CYRIA: variants seen among roughly 807,000 people sequenced by gnomAD.
CYRIA encodes CYFIP related Rac1 interactor A, also known as CYFIP-related Rac1 interactor A.
Under a neutral mutation model 43.9 loss-of-function variants are expected in CYRIA, and 15 were observed. The observed-to-expected ratio is 0.34, with a 90% CI of 0.23 to 0.53. The LOEUF (loss-of-function observed/expected upper bound fraction) is 0.53, where lower values mean the gene tolerates loss of function less well. CYRIA is among the 20% of genes least tolerant of loss of function. The probability of loss-of-function intolerance (pLI) is 0.94; values close to 1 mark genes in which losing one functional copy is unlikely to be tolerated. For missense variants in CYRIA, 236 were observed against 394.2 expected, an observed-to-expected ratio of 0.60 and a Z score of 3.40; for synonymous variants, 117 against 136.0, an observed-to-expected ratio of 0.86 and a Z score of 0.97.
At chr2:16,611,082 G>A (rs1201545079) in intron 2 of CYRIA, among the ~76,000 whole-genome samples, 1 of 151,734 alleles carries the variant, frequency 6.6e-6, no homozygotes, top group East Asian at 1.9e-4. Context: ...TGACTAGGCC[G>A]GGGGCCGTGG....
chr2:16,633,230 C>A (rs1259190733), intron 1 of CYRIA, among the ~76,000 whole-genome samples: 1 of 152,190 alleles, frequency 6.6e-6, no homozygotes, highest in African/African-American at 2.4e-5. Context: ...AGACTTTCAC[C>A]CCCCACCCTG....
At chr2:16,591,116 T>C (rs2103463969) in intron 2 of CYRIA, among the ~76,000 whole-genome samples, 1 of 152,110 alleles carries the variant, frequency 6.6e-6, no homozygotes, top group African/African-American at 2.4e-5. Flanking sequence ...ATAGTACTCA[T>C]GAAATAGCTT....
In CYRIA at chr2:16,550,017, T is replaced by C. The variant is rs1451212099; in HGVS notation, c.*2919A>G. ...TTTTTTTTGTTATTGTTTTTTTTTT[T>C]CTACTACTAATTCCTAGTGGTGCAC... is the stretch of plus-strand genomic sequence containing the variant. On this transcript the variant is annotated 3_prime_UTR_variant, in exon 12 of 12. Transcript: ENST00000381323. The C allele has an allele frequency of 2.0e-5, 3 of 151,564 alleles. No homozygotes were observed. The highest frequency in any genetic ancestry group is 2.4e-5 in the African/African-American group (1 of 41,320). The allele number at this position is 151,564 out of a possible 1,614,324, so 9.4% of individuals were successfully genotyped here.
At chr2:16,615,785 G>T (rs1042917077) in intron 2 of CYRIA, among the ~76,000 whole-genome samples, 1 of 152,214 alleles carries the variant, frequency 6.6e-6, no homozygotes, top group Non-Finnish European at 1.5e-5. Flanking sequence ...ATTACTGAAC[G>T]TTACTGTAAC....
Position 16,604,338 on chromosome 2 carries a change from C to A in CYRIA, c.-10-16209G>T, listed in dbSNP as rs79495462. ...GGGCAGCCAGGGCGGCCACTGTTGT[C>A]AGTGACATCAAAGGCTTGCAGATGT... On this transcript the variant is annotated intron_variant, in intron 2 of 11. Transcript: ENST00000381323. Among the ~76,000 whole-genome samples, 20 of 152,358 alleles carry A rather than the reference C, an allele frequency of 1.3e-4. No individual in the cohort carries two copies. The East Asian group carries it at 3.9e-3, about 29-fold the overall frequency.
chr2:16,566,535 G>A (rs1459857253), intron 3 of CYRIA, among the ~76,000 whole-genome samples: 1 of 152,202 alleles, frequency 6.6e-6, no homozygotes, highest in Non-Finnish European at 1.5e-5. Context: ...CTCATGTTCA[G>A]GAGGTTTGGC....
intron 3 of CYRIA, among the ~76,000 whole-genome samples, chr2:16,579,473 A>C (rs1365795849): frequency 6.6e-6 from 1 of 151,832 alleles, no homozygotes; most frequent in African/African-American, 2.4e-5. Context: ...TTAAATGATA[A>C]TTGACAATTT....
intron 3 of CYRIA, among the ~76,000 whole-genome samples, chr2:16,571,268 A>C (rs1327851939): frequency 6.6e-6 from 1 of 152,230 alleles, no homozygotes; most frequent in East Asian, 1.9e-4. Flanking sequence ...GGTGAATATT[A>C]ACTGTGAATA....
intron 2 of CYRIA, among the ~76,000 whole-genome samples, chr2:16,610,897 C>CATATATATACATATAT (rs1668569492): frequency 1.1e-5 from 1 of 92,556 alleles, no homozygotes; most frequent in South Asian, 3.6e-4. Flanking sequence ...TTAGTCCCAA[C>CATATATATACATATAT]ATATATATAT....
chr2:16,609,636 GCTTTT>G (rs1401568610), intron 2 of CYRIA, among the ~76,000 whole-genome samples: 1 of 152,104 alleles, frequency 6.6e-6, no homozygotes, highest in Non-Finnish European at 1.5e-5. Flanking sequence ...CAGTAACTCT[GCTTTT>G]CTTTTAAGTA....
chr2:16,579,620 T>C (rs1042661534), intron 3 of CYRIA, among the ~76,000 whole-genome samples: 1 of 152,166 alleles, frequency 6.6e-6, no homozygotes, highest in African/African-American at 2.4e-5. Context: ...ATGTAAAGAA[T>C]AGATTTTGAA....
intron 2 of CYRIA, among the ~76,000 whole-genome samples, chr2:16,611,377 A>G (rs537151854): frequency 7.2e-5 from 11 of 152,226 alleles, no homozygotes; most frequent in African/African-American, 2.2e-4. Context: ...AAATAAATAA[A>G]TAAATCTGGT....
chr2:16,599,656 G>A (rs1347600553), intron 2 of CYRIA, among the ~76,000 whole-genome samples: 5 of 148,932 alleles, frequency 3.4e-5, no homozygotes, highest in African/African-American at 7.5e-5. Flanking sequence ...AGATGAACCC[G>A]GTACCTCAGA....
chr2:16,605,733 G>A (rs1252190610), intron 2 of CYRIA, among the ~76,000 whole-genome samples: 2 of 152,176 alleles, frequency 1.3e-5, no homozygotes, highest in East Asian at 1.9e-4. Context: ...TAGTGAATTC[G>A]CTTAAACAGG....
intron 4 of CYRIA, among the ~76,000 whole-genome samples, chr2:16,565,414 GA>G (rs1666892624): frequency 1.3e-5 from 2 of 152,126 alleles, no homozygotes; most frequent in Non-Finnish European, 2.9e-5. Context: ...TTGAACTCCT[GA>G]CCTCAGGTGA....
chr2:16,585,991 T>A (rs1288170645), intron 3 of CYRIA, among the ~76,000 whole-genome samples: 1 of 152,136 alleles, frequency 6.6e-6, no homozygotes, highest in Non-Finnish European at 1.5e-5. Flanking sequence ...CTTTTGAGAT[T>A]AGACTTGACC....
At chr2:16,603,168 G>A (rs1056381110) in intron 2 of CYRIA, among the ~76,000 whole-genome samples, 5 of 152,044 alleles carry the variant, frequency 3.3e-5, no homozygotes, top group Non-Finnish European at 7.4e-5. Flanking sequence ...CCTGGACCCC[G>A]CCCCCTCCAC....
At chr2:16,585,618 G>A (rs1195018140) in intron 3 of CYRIA, among the ~76,000 whole-genome samples, 1 of 152,094 alleles carries the variant, frequency 6.6e-6, no homozygotes, top group Admixed American at 6.5e-5. Flanking sequence ...TCCCCTTGAG[G>A]AAATTAAATT....
intron 9 of CYRIA, 172 bp downstream of exon 9, chr2:16,560,818 C>T (rs1666699076): frequency 3.1e-6 from 2 of 643,808 alleles, no homozygotes. Context: ...TTCAGCTATG[C>T]AGTAGTGATA....
Sources: gnomAD v4.1 joint callset for allele counts (sites outside exome capture counted in the v4.1 genomes callset) on GRCh38, gnomAD v4.1.1 for gene constraint, MANE v1.5 for transcripts, NCBI Gene and HGNC (gene_info 2026-07-23, HGNC 2026-07-21) for gene names.